Variants in PARD3B observed in about 807,000 individuals in gnomAD.
PARD3B encodes the protein partitioning defective 3 homolog B.
PARD3B carries 103 observed loss-of-function variants against 130.2 expected under a neutral mutation model. That is an observed-to-expected ratio of 0.79 (90% CI 0.67 to 0.93). The LOEUF is 0.93. PARD3B is among the 40% of genes least tolerant of loss of function. The pLI is 0.00. For synonymous variants in PARD3B, 583 were observed against 553.2 expected, an observed-to-expected ratio of 1.05 and a Z score of -0.76; for missense variants, 1,609 against 1,499.2, an observed-to-expected ratio of 1.07 and a Z score of -1.21.
chr2:205,382,391 C>G (rs188894098), intron 18 of PARD3B, among the ~76,000 whole-genome samples: 23 of 152,172 alleles, frequency 1.5e-4, no homozygotes, highest in Non-Finnish European at 2.9e-5. Context: ...TTAGGAAGTA[C>G]ATGATGTTGA....
At chr2:204,714,677 A>G (rs2038636099) in intron 2 of PARD3B, among the ~76,000 whole-genome samples, 1 of 152,176 alleles carries the variant, frequency 6.6e-6, no homozygotes, top group Admixed American at 6.5e-5. Flanking sequence ...TTATTTGAGA[A>G]CACCTTATTC....
chr2:204,673,974 T>G lies in PARD3B; in HGVS notation c.121-12207T>G, dbSNP rs1215240495. On this transcript the variant is annotated intron_variant, in intron 1 of 22. Transcript: ENST00000406610. The surrounding 1 kb of genome is among the most constrained non-coding windows in gnomAD (Gnocchi z 4.7). Reference sequence around the variant, plus strand: ...TATCAAAAGATCTAAGTCTCAAGATTTGAGCTTTTACTCAGTATCAATAAA... The same window carrying G: ...TATCAAAAGATCTAAGTCTCAAGATGTGAGCTTTTACTCAGTATCAATAAA... Among the ~76,000 whole-genome samples, 1 of 152,150 alleles carries G rather than the reference T, an allele frequency of 6.6e-6. No individual in the cohort carries two copies. The highest frequency in any genetic ancestry group is 2.4e-5 in the African/African-American group (1 of 41,420).
At chr2:205,454,805 C>CA (rs35122011) in intron 20 of PARD3B, among the ~76,000 whole-genome samples, 1 of 151,988 alleles carries the variant, frequency 6.6e-6, no homozygotes, top group Non-Finnish European at 1.5e-5. Context: ...AACCAAGCCC[C>CA]AAAAATGCCA....
At chr2:204,732,081 TG>T (rs1386679038) in intron 2 of PARD3B, among the ~76,000 whole-genome samples, 31 of 71,646 alleles carry the variant, frequency 4.3e-4, no homozygotes, top group South Asian at 3.6e-3. Context: ...AAAATAATTG[TG>T]GTTTTTTTTT....
intron 1 of PARD3B, among the ~76,000 whole-genome samples, chr2:204,556,109 C>A (rs772278069): frequency 6.6e-6 from 1 of 152,180 alleles, no homozygotes; most frequent in Non-Finnish European, 1.5e-5. Context: ...TCAGTAAGTT[C>A]TTTTCAAAGA....
At position 205,131,172 on chromosome 2, in the gene PARD3B, A is replaced by G. The variant is rs1009034829; in HGVS notation, c.1434+5435A>G. Reference sequence around the variant, plus strand: ...CATGCTTAATTAACTGAGATACTTAAGGAAAAATGAATATTATAGCAGTTA... The same window carrying G: ...CATGCTTAATTAACTGAGATACTTAGGGAAAAATGAATATTATAGCAGTTA... On this transcript the variant is annotated intron_variant, in intron 10 of 22. Transcript: ENST00000406610. 6.3e-4 allele frequency among the ~76,000 whole-genome samples: 96 copies of G among 152,336 alleles called. 1 individual carries two copies. Among genetic ancestry groups the G allele is most frequent in the African/African-American group, 2.1e-3 (88 of 41,580 alleles).
At chr2:204,682,072 T>TG (rs1175154977) in intron 1 of PARD3B, among the ~76,000 whole-genome samples, 1 of 152,140 alleles carries the variant, frequency 6.6e-6, no homozygotes, top group Non-Finnish European at 1.5e-5. Flanking sequence ...CCCATGTCTC[T>TG]GCATTTTGAC....
At chr2:205,063,648 C>G (rs1307229237) in intron 4 of PARD3B, among the ~76,000 whole-genome samples, 1 of 152,078 alleles carries the variant, frequency 6.6e-6, no homozygotes, top group Non-Finnish European at 1.5e-5. Context: ...CTCTTAACAC[C>G]CCCATGAGGT....
intron 3 of PARD3B, among the ~76,000 whole-genome samples, chr2:205,004,329 C>T (rs1399646296): frequency 6.6e-6 from 1 of 152,168 alleles, no homozygotes; most frequent in East Asian, 1.9e-4. Flanking sequence ...GAATTTTTCT[C>T]CCTCTGAGTA....
intron 3 of PARD3B, among the ~76,000 whole-genome samples, chr2:205,037,190 AAT>A (rs1299936252): frequency 6.8e-6 from 1 of 147,210 alleles, no homozygotes; most frequent in East Asian, 2.0e-4. Context: ...ATATAAAACA[AAT>A]ATATATATAG....
chr2:204,909,421 T>C (rs2047152559), intron 2 of PARD3B, among the ~76,000 whole-genome samples: 1 of 152,198 alleles, frequency 6.6e-6, no homozygotes, highest in African/African-American at 2.4e-5. Context: ...ATGCTACATA[T>C]TTACTATTCA....
intron 20 of PARD3B, among the ~76,000 whole-genome samples, chr2:205,445,195 G>A (rs1177396443): frequency 6.6e-6 from 1 of 152,098 alleles, no homozygotes; most frequent in Non-Finnish European, 1.5e-5. Context: ...ACACAGCATG[G>A]AATCAGGACT....
At chr2:204,986,101 CAAAAAAA>C (rs371839271) in intron 3 of PARD3B, among the ~76,000 whole-genome samples, 1 of 51,238 alleles carries the variant, frequency 2.0e-5, no homozygotes, top group African/African-American at 8.3e-5. Context: ...ACTCTGTCTC[CAAAAAAA>C]AAAAAAAAAA....
At chr2:204,956,146 C>T (rs1690218643) in intron 2 of PARD3B, among the ~76,000 whole-genome samples, 1 of 152,166 alleles carries the variant, frequency 6.6e-6, no homozygotes, top group South Asian at 2.1e-4. Context: ...CAGAAATAAA[C>T]CAACCTTAGG....
At position 205,176,480 on chromosome 2, in the gene PARD3B, CT is replaced by C; in HGVS notation, c.1830del (p.Phe610LeufsTer8). The C allele has an allele frequency of 6.2e-7, 1 of 1,611,868 alleles. No homozygotes were observed. Reference sequence around the variant, plus strand: ...AGTGTGGGGCATTTTCCAAGCCATGCTTTGAGAACTGTCAAAATGCTGTAAC... The same window carrying C: ...AGTGTGGGGCATTTTCCAAGCCATGCTTGAGAACTGTCAAAATGCTGTAAC... Reference protein sequence around the residue: ...AECGAFSKPCFENCQNAVTTS... With the variant: ...AECGAFSKPCXENCQNAVTTS... On this transcript the variant is annotated frameshift_variant, in exon 13 of 23. Transcript: ENST00000406610. LOFTEE classifies it high-confidence loss of function. This position sits in a 1 kb window ranked among gnomAD's most constrained non-coding sequence, Gnocchi z 5.3.
chr2:204,792,179 C>A (rs1387692882), intron 2 of PARD3B, among the ~76,000 whole-genome samples: 2 of 152,100 alleles, frequency 1.3e-5, no homozygotes, highest in Non-Finnish European at 1.5e-5. Context: ...TAGAAAAATT[C>A]TGAATAGTGA....
intron 18 of PARD3B, among the ~76,000 whole-genome samples, chr2:205,355,617 A>T (rs1382300612): frequency 6.6e-6 from 1 of 152,210 alleles, no homozygotes; most frequent in East Asian, 1.9e-4. Context: ...CTGAACAATC[A>T]TGAGAGCCTG....
chr2:204,678,931 C>T lies in PARD3B; in HGVS notation c.121-7250C>T, dbSNP rs1226619833. On this transcript the variant is annotated intron_variant, in intron 1 of 22. Transcript: ENST00000406610. This position sits in a 1 kb window ranked among gnomAD's most constrained non-coding sequence, Gnocchi z 4.2. The stretch of plus-strand genomic sequence containing the variant: ...AAATAGAACATTGCCCTAGAAGCCG[C>T]TTCATGCCTCTTTCTACTCACCACC... Among the ~76,000 whole-genome samples the T allele has an allele frequency of 6.6e-6, 1 of 152,156 alleles. No individual in the cohort carries two copies. The highest frequency in any genetic ancestry group is 1.5e-5 in the Non-Finnish European group (1 of 68,026).
chr2:204,732,474 T>G (rs1278836362), intron 2 of PARD3B, among the ~76,000 whole-genome samples: 2 of 152,040 alleles, frequency 1.3e-5, no homozygotes, highest in Non-Finnish European at 2.9e-5. Flanking sequence ...GATTACAGTG[T>G]TAATTATTCA....
Sources: allele counts gnomAD v4.1 joint callset (sites outside exome capture counted in the v4.1 genomes callset), GRCh38; gene constraint gnomAD v4.1.1; non-coding constraint Gnocchi (gnomAD v3.1); transcripts MANE v1.5; gene names NCBI Gene and HGNC (gene_info 2026-07-23, HGNC 2026-07-21).